The following INSC variants were observed in gnomAD, a reference collection of about 807,000 sequenced individuals.
The protein encoded by INSC is protein inscuteable homolog.
In INSC, 67 loss-of-function variants were observed where a neutral mutation model predicts 58.6. The ratio of observed to expected loss-of-function variants is 1.14; its 90% CI spans 0.94 to 1.40. The LOEUF is 1.40. INSC is among the 40% of genes most tolerant of loss of function. INSC has a pLI of 0.00. For missense variants in INSC, 714 were observed against 692.0 expected (o/e 1.03, Z -0.36); for synonymous variants, 262 against 276.1 (o/e 0.95, Z 0.51).
chr11:15,191,509 T>A (rs759933887), intron 6 of INSC, among the ~76,000 whole-genome samples: 19 of 152,184 alleles, frequency 1.2e-4, no homozygotes, highest in Non-Finnish European at 2.6e-4. Context: ...CATGTGGCAT[T>A]TTGGGTGATC....
intron 2 of INSC, among the ~76,000 whole-genome samples, chr11:15,170,191 A>G (rs1254160510): frequency 6.6e-6 from 1 of 152,030 alleles, no homozygotes; most frequent in African/African-American, 2.4e-5. Context: ...TTTTTGAATA[A>G]TTTCAATCTG....
chr11:15,222,736 A>G (rs1000118770), intron 8 of INSC, among the ~76,000 whole-genome samples: 3 of 152,226 alleles, frequency 2.0e-5, no homozygotes, highest in African/African-American at 4.8e-5. Context: ...GACATCAGTT[A>G]AGTTGAGTTT....
chr11:15,219,018 A>ACCCAG, intron 7 of INSC, among the ~76,000 whole-genome samples: 1 of 152,222 alleles, frequency 6.6e-6, no homozygotes, highest in African/African-American at 2.4e-5. Flanking sequence ...AGGCTTGCAG[A>ACCCAG]GATGGCAGGG....
At chr11:15,212,781 C>A (rs11023471) in intron 7 of INSC, among the ~76,000 whole-genome samples, 41,262 of 152,018 alleles carry the variant, frequency 0.27, 6,375 homozygotes, top group East Asian at 0.73. Context: ...TGTCATCTGT[C>A]AATAATGACA....
intron 7 of INSC, among the ~76,000 whole-genome samples, chr11:15,211,051 A>T (rs1851006702): frequency 1.3e-5 from 2 of 152,214 alleles, no homozygotes; most frequent in South Asian, 4.2e-4. Context: ...AGGAAGGAGG[A>T]TAAGAAAAGG....
intron 2 of INSC, among the ~76,000 whole-genome samples, chr11:15,172,876 G>A (rs1849446953): frequency 6.6e-6 from 1 of 152,104 alleles, no homozygotes. Flanking sequence ...CTTAGCCTCA[G>A]GAGTTTTGAC....
At chr11:15,200,147 GT>G (rs1850522720) in intron 6 of INSC, among the ~76,000 whole-genome samples, 2 of 120,490 alleles carry the variant, frequency 1.7e-5, no homozygotes, top group South Asian at 6.4e-4. Context: ...TTTTAAAAGG[GT>G]TATATCACAC....
At chr11:15,149,254 A>G in intron 2 of INSC, 24 bp downstream of exon 2, 3 of 1,532,292 alleles carry the variant, frequency 2.0e-6, no homozygotes, top group East Asian at 2.4e-5. Flanking sequence ...CTGTCACTCC[A>G]GGCCAGGCCT....
At chr11:15,229,864 C>T (rs1427862976) in intron 9 of INSC, among the ~76,000 whole-genome samples, 1 of 143,302 alleles carries the variant, frequency 7.0e-6, no homozygotes, top group Non-Finnish European at 1.5e-5. Context: ...TCAAGACCAG[C>T]CTGGGCAACG....
At chr11:15,117,052 C>T (rs1407315608) in intron 1 of INSC, among the ~76,000 whole-genome samples, 2 of 150,668 alleles carry the variant, frequency 1.3e-5, no homozygotes, top group Non-Finnish European at 2.9e-5. Flanking sequence ...AAGCGATTCT[C>T]CTGCCTCAGC....
At position 15,225,818 on chromosome 11, in the gene INSC, C is replaced by T. The variant is rs1284327650; in HGVS notation, c.1160C>T (p.Thr387Ile). Residue 387 changes from threonine to isoleucine, a missense_variant, in exon 9 of 13, where the codon ACT (threonine) becomes ATT (isoleucine). Thr to Ile is a moderately conservative substitution (Grantham distance 89, BLOSUM62 -1). Transcript: ENST00000379556. Reference sequence around the variant, plus strand: ...AAGCAGAGAGTGGACACGCCTTACACTCGGGACCAGGTAAGACGCCCAGAA... The same window carrying T: ...AAGCAGAGAGTGGACACGCCTTACATTCGGGACCAGGTAAGACGCCCAGAA... Reference protein sequence around the residue: ...SDKQRVDTPYTRDQIVTILAN... With the variant: ...SDKQRVDTPYIRDQIVTILAN... 18 of 1,612,606 alleles carry T rather than the reference C, an allele frequency of 1.1e-5. No homozygotes were observed. The highest frequency in any genetic ancestry group is 1.4e-5 in the Non-Finnish European group (17 of 1,179,318).
At chr11:15,180,126 C>T (rs906211070) in intron 5 of INSC, among the ~76,000 whole-genome samples, 9 of 152,102 alleles carry the variant, frequency 5.9e-5, no homozygotes, top group African/African-American at 9.6e-5. Flanking sequence ...GGCATGGTGG[C>T]GAGCACCTGT....
chr11:15,155,832 T>C (rs2133768027), intron 2 of INSC, among the ~76,000 whole-genome samples: 1 of 152,296 alleles, frequency 6.6e-6, no homozygotes, highest in Admixed American at 6.5e-5. Context: ...CCTAGAGTTT[T>C]GGGGACACTG....
the INSC span, among the ~76,000 whole-genome samples, chr11:15,254,271 C>T: frequency 6.6e-6 from 1 of 152,156 alleles, no homozygotes; most frequent in Non-Finnish European, 1.5e-5. Flanking sequence ...TAGTACCAGA[C>T]ACTTTTTAGC....
At chr11:15,235,481 T>C in intron 9 of INSC, 121 bp from the exon 10 acceptor site, 1 of 780,614 alleles carries the variant, frequency 1.3e-6, no homozygotes, top group Non-Finnish European at 2.3e-6. Context: ...ATAGGCCCGG[T>C]GGACAGGAAG....
intron 4 of INSC, among the ~76,000 whole-genome samples, chr11:15,177,971 T>C (rs1849630558): frequency 2.0e-5 from 3 of 152,226 alleles, no homozygotes; most frequent in African/African-American, 7.2e-5. Flanking sequence ...GGCACCTCTC[T>C]TTGAAGCTTC....
chr11:15,166,630 AT>A (rs917457716), intron 2 of INSC, among the ~76,000 whole-genome samples: 21 of 152,068 alleles, frequency 1.4e-4, no homozygotes, highest in African/African-American at 5.1e-4. Flanking sequence ...TTTGGAAAAT[AT>A]TTTTTTCAAA....
rs61748860 is a variant in INSC, at chr11:15,225,764, T to A, written c.1106T>A (p.Ile369Asn). Residue 369 changes from isoleucine (I) to asparagine (N), a missense_variant, in exon 9 of 13, where the codon ATC becomes AAC. Coordinates refer to ENST00000379556, the MANE Select transcript of INSC (RefSeq NM_001042536.3). ...ACEMLLQLNAIRVLLEACSDK... is the reference protein window; with the variant it reads ...ACEMLLQLNANRVLLEACSDK... ...GAGATGCTCCTGCAGTTGAATGCCA[T>A]CCGTGTTCTCCTGGAAGCCTGCAGT... The A allele has an allele frequency of 3.1e-6, 5 of 1,613,998 alleles. No homozygotes were observed. Among genetic ancestry groups the A allele is most frequent in the African/African-American group, 1.3e-5 (1 of 75,036 alleles).
At chr11:15,126,506 G>A (rs1847999141) in intron 1 of INSC, among the ~76,000 whole-genome samples, 1 of 152,174 alleles carries the variant, frequency 6.6e-6, no homozygotes, top group South Asian at 2.1e-4. Flanking sequence ...TCACTGGATT[G>A]TAGGAACATT....
Sources: gnomAD v4.1 joint callset for allele counts (sites outside exome capture counted in the v4.1 genomes callset) on GRCh38, gnomAD v4.1.1 for gene constraint, MANE v1.5 for transcripts, NCBI Gene and HGNC (gene_info 2026-07-23, HGNC 2026-07-21) for gene names.